GK5: variants seen among roughly 807,000 people sequenced by gnomAD.
GK5 encodes glycerol kinase 5, also known as ATP:glycerol 3-phosphotransferase 5.
A neutral mutation model predicts 77.3 loss-of-function variants in GK5; 39 were observed. The observed-to-expected ratio is 0.50, with a 90% CI of 0.39 to 0.66. GK5 has a LOEUF of 0.66. Ranked by LOEUF, GK5 falls within the 30% of genes least tolerant of loss-of-function variation. The pLI is 0.00. For synonymous variants in GK5, 211 were observed against 208.0 expected, an observed-to-expected ratio of 1.01 and a Z score of -0.13; for missense variants, 487 against 633.8, an observed-to-expected ratio of 0.77 and a Z score of 2.49.
rs146285315 is a variant in GK5, at chr3:142,182,975, A to T, written c.891T>A (p.Thr297=). 9.9e-6 allele frequency: 16 copies of T among 1,613,160 alleles called. No individual in the cohort carries two copies. In the African/African-American group the frequency reaches 1.9e-4, roughly 19 times the overall value. The change falls in exon 10 of 16, where the codon ACT becomes ACA. Residue 297 remains threonine (T), a synonymous_variant. Coordinates refer to ENST00000392993, the MANE Select transcript of GK5 (RefSeq NM_001039547.3). ...QTGDVKLTMG[T]GTFLDINTGN... ...CAGTGTTAATATCCAAAAATGTCCC[A>T]GTTCCCATGGTTAATTTCACATCAC...
In GK5 at chr3:142,225,400, C is replaced by T; in HGVS notation, c.56G>A (p.Gly19Asp). 4 of 1,599,382 alleles carry T rather than the reference C, an allele frequency of 2.5e-6. No homozygotes were observed. Among genetic ancestry groups the T allele is most frequent in the Non-Finnish European group, 2.6e-6 (3 of 1,175,208 alleles). Residue 19 changes from glycine (G) to aspartate (D), a missense_variant, in exon 1 of 16, where the codon GGC becomes GAC. By Grantham distance (94) the Gly-to-Asp change is moderately conservative. Around this residue, in one of 4 missense-constraint regions of GK5, gnomAD observed 97 missense variants for 86.9 expected, o/e 1.12. Transcript: ENST00000392993. The stretch of plus-strand genomic sequence containing the variant: ...GCCCACATCCAGCCCCAGCACGAAG[C>T]CGGGGTACCGCGGCTCCTGCGCTCT... The part of the protein sequence containing the change: ...EQRAQEPRYP[G>D]FVLGLDVGSS...
intron 2 of GK5, among the ~76,000 whole-genome samples, chr3:142,214,932 T>C (rs1378565411): frequency 6.6e-6 from 1 of 152,210 alleles, no homozygotes. Context: ...GAGAAAGATA[T>C]ACAAGAGTTT....
intron 15 of GK5, among the ~76,000 whole-genome samples, chr3:142,167,406 A>G (rs2063486153): frequency 6.6e-6 from 1 of 152,082 alleles, no homozygotes; most frequent in Admixed American, 6.6e-5. Context: ...AAAATAAATA[A>G]AGGTATTAAT....
chr3:142,163,477 G>A lies in GK5; in HGVS notation c.*2145C>T, dbSNP rs1208000296. On this transcript the variant is annotated 3_prime_UTR_variant, in exon 16 of 16. Transcript: ENST00000392993. Reference sequence around the variant, plus strand: ...TTTAGTGGAGACAGGGTTTCACCGTGTTTGACCAGGTTGGACTCCTGACCT... The same window carrying A: ...TTTAGTGGAGACAGGGTTTCACCGTATTTGACCAGGTTGGACTCCTGACCT... 1 of 151,928 alleles carries A rather than the reference G, an allele frequency of 6.6e-6. No individual in the cohort carries two copies. The highest frequency in any genetic ancestry group is 2.4e-5 in the African/African-American group (1 of 41,350). 9.4% of individuals were successfully genotyped at this position (151,928 alleles called of 1,614,324 possible).
intron 5 of GK5, among the ~76,000 whole-genome samples, chr3:142,188,978 T>A (rs962595676): frequency 1.3e-5 from 2 of 152,242 alleles, no homozygotes; most frequent in African/African-American, 4.8e-5. Flanking sequence ...GTTTATCACC[T>A]CTATAACTCT....
chr3:142,196,650 T>C (rs1362906058), intron 5 of GK5, among the ~76,000 whole-genome samples: 1 of 152,202 alleles, frequency 6.6e-6, no homozygotes, highest in African/African-American at 2.4e-5. Context: ...TTACTTTTAA[T>C]TCGAAGCCTT....
rs1172677896 is a variant in GK5, at chr3:142,164,061, T to A, written c.*1561A>T. ...ACCTATTTATTAATATTTCCAAATA[T>A]TAATTAGATTTAATAATACTATATA... On this transcript the variant is annotated 3_prime_UTR_variant, in exon 16 of 16. Transcript: ENST00000392993. 1.3e-5 allele frequency: 2 copies of A among 152,108 alleles called. No homozygotes were observed. Among genetic ancestry groups the A allele is most frequent in the Non-Finnish European group, 2.9e-5 (2 of 68,030 alleles). The allele number at this position is 152,108 out of a possible 1,614,324, so 9.4% of individuals were successfully genotyped here. A position where few individuals can be genotyped will look rare whatever the true frequency, so the allele number is the denominator to read the frequency against.
At chr3:142,197,799 C>G (rs1363780944) in intron 5 of GK5, among the ~76,000 whole-genome samples, 1 of 151,374 alleles carries the variant, frequency 6.6e-6, no homozygotes, top group East Asian at 1.9e-4. Context: ...CTGAGGCAGG[C>G]AGATCACGAG....
At chr3:142,200,756 A>G (rs531152666) in intron 4 of GK5, among the ~76,000 whole-genome samples, 1 of 152,362 alleles carries the variant, frequency 6.6e-6, no homozygotes, top group African/African-American at 2.4e-5. Context: ...TAGACAACAT[A>G]TAAACAATTA....
chr3:142,190,945 G>A (rs1229378681), intron 5 of GK5, among the ~76,000 whole-genome samples: 1 of 152,124 alleles, frequency 6.6e-6, no homozygotes. Context: ...TATTAGATAA[G>A]TTACTAGAAT....
At position 142,186,635 on chromosome 3, in the gene GK5, T is replaced by C. The variant is rs914790308; in HGVS notation, c.620-122A>G. 24 of 436,902 alleles carry C rather than the reference T, an allele frequency of 5.5e-5. No individual in the cohort carries two copies. In the East Asian group the frequency reaches 5.6e-4, roughly 10 times the overall value. The allele number at this position is 436,902 out of a possible 1,614,324, so 27.1% of individuals were successfully genotyped here. On this transcript the variant is annotated intron_variant, in intron 6 of 15. Coordinates refer to ENST00000392993, the MANE Select transcript of GK5 (RefSeq NM_001039547.3). ...CATTCCAAAATGTGTATTTTCTTTTTTTTTTTTTTTTTTTGAGACGGAGTT... is the reference window on the plus strand; with the variant it reads ...CATTCCAAAATGTGTATTTTCTTTTCTTTTTTTTTTTTTTGAGACGGAGTT...
At chr3:142,194,728 C>T (rs1377381118) in intron 5 of GK5, among the ~76,000 whole-genome samples, 2 of 151,244 alleles carry the variant, frequency 1.3e-5, no homozygotes, top group Non-Finnish European at 1.5e-5. Context: ...TTATACTCTC[C>T]CACCTTACTA....
chr3:142,167,725 T>C (rs1446871812), intron 15 of GK5, among the ~76,000 whole-genome samples: 1 of 152,118 alleles, frequency 6.6e-6, no homozygotes, highest in Non-Finnish European at 1.5e-5. Flanking sequence ...ATAACCTGCA[T>C]GTGGGGCTGG....
intron 4 of GK5, among the ~76,000 whole-genome samples, chr3:142,202,986 A>AT (rs1197621926): frequency 2.6e-5 from 4 of 152,196 alleles, no homozygotes; most frequent in Non-Finnish European, 5.9e-5. Flanking sequence ...TCAAATCACA[A>AT]TTTTTCTTTT....
At chr3:142,204,831 G>A (rs751666912) in intron 3 of GK5, 43 bp from the exon 4 acceptor site, 2 of 1,093,186 alleles carry the variant, frequency 1.8e-6, no homozygotes, top group African/African-American at 1.6e-5. Context: ...GCATAAATCA[G>A]AGACTATGTT....
chr3:142,215,606 T>C lies in GK5; in HGVS notation c.234A>G (p.Ala78=), dbSNP rs367732515. The stretch of plus-strand genomic sequence containing the variant: ...TTTTATAAATCCAATTACCTTTGAC[T>C]GCTTCTTTTATTACGGCAACAAATT... The part of the protein sequence containing the change: ...WIQFVAVIKE[A]VKAAGIQMNQ... Residue 78 remains alanine, a synonymous_variant, in exon 2 of 16, where the codon GCA becomes GCG. Transcript: ENST00000392993. 7.8e-5 allele frequency: 119 copies of C among 1,535,260 alleles called. No individual in the cohort carries two copies. The highest frequency in any genetic ancestry group is 1.0e-4 in the Non-Finnish European group (113 of 1,113,156).
At chr3:142,214,516 T>C (rs545703175) in intron 2 of GK5, among the ~76,000 whole-genome samples, 2 of 152,274 alleles carry the variant, frequency 1.3e-5, no homozygotes, top group South Asian at 2.1e-4. Context: ...AACTCCCATA[T>C]AGTATTCCAA....
At chr3:142,183,778 T>G (rs74401810) in intron 9 of GK5, among the ~76,000 whole-genome samples, 19,666 of 151,800 alleles carry the variant, frequency 0.13, 1,369 homozygotes, top group Admixed American at 0.17. Flanking sequence ...AAAAATTTTT[T>G]TGTAGAGATG....
At chr3:142,217,848 AGT>A (rs2064294298) in intron 1 of GK5, among the ~76,000 whole-genome samples, 1 of 152,242 alleles carries the variant, frequency 6.6e-6, no homozygotes. Flanking sequence ...CAACATTTAC[AGT>A]GTGCTAAAAG....
Sources: allele counts gnomAD v4.1 joint callset (sites outside exome capture counted in the v4.1 genomes callset), GRCh38; gene constraint gnomAD v4.1.1; regional missense constraint gnomAD v4.1.1; transcripts MANE v1.5; gene names NCBI Gene and HGNC (gene_info 2026-07-23, HGNC 2026-07-21).